SIGLEC10: variants seen among roughly 807,000 people sequenced by gnomAD.
The protein encoded by SIGLEC10 is sialic acid-binding Ig-like lectin 10.
In SIGLEC10, 45 loss-of-function variants were observed where a neutral mutation model predicts 68.3. That is an observed-to-expected ratio of 0.66 (90% CI 0.52 to 0.84). SIGLEC10 has a LOEUF of 0.84. Among genes scored for constraint, SIGLEC10 ranks in the 40% least tolerant of loss-of-function variants. SIGLEC10 has a pLI of 0.00. For missense variants in SIGLEC10, 789 were observed against 883.1 expected (o/e 0.89, Z 1.35); for synonymous variants, 379 against 370.8 (o/e 1.02, Z -0.26).
Position 51,416,319 on chromosome 19 carries a change from T to G in SIGLEC10, c.745A>C (p.Asn249His), listed in dbSNP as rs766511509. The change falls in exon 4 of 11, where the codon AAC becomes CAC. Residue 249 changes from asparagine (N) to histidine (H), a missense_variant. Transcript: ENST00000339313. ...RDLVISISRD[N>H]TPALEPQPQG... ...CGACGGCCCTCAGTACCTGGCGTGT[T>G]GTCACGTGAAATGCTGATAACAAGG... The G allele has an allele frequency of 6.2e-7, 1 of 1,614,054 alleles. No individual in the cohort carries two copies. The highest frequency in any genetic ancestry group is 8.5e-7 in the Non-Finnish European group (1 of 1,179,998).
chr19:51,417,337 C>T lies in SIGLEC10; in HGVS notation c.166G>A (p.Ala56Thr). ...ACTGCTTTGAACCAGTAGCCATAAGCTGGGGTAGACCCTGTCCAGTCCTGT... is the reference window on the plus strand; with the variant it reads ...ACTGCTTTGAACCAGTAGCCATAAGTTGGGGTAGACCCTGTCCAGTCCTGT... ...PRQDWTGSTPAYGYWFKAVTE... is the reference protein window; with the variant it reads ...PRQDWTGSTPTYGYWFKAVTE... Residue 56 changes from alanine to threonine, a missense_variant, in exon 2 of 11, where the codon GCT (alanine) becomes ACT (threonine). Transcript: ENST00000339313. 5.6e-6 allele frequency: 9 copies of T among 1,614,240 alleles called. No individual in the cohort carries two copies. The highest frequency in any genetic ancestry group is 7.6e-6 in the Non-Finnish European group (9 of 1,180,044).
chr19:51,412,144 AAAAAT>A (rs559336620), intron 10 of SIGLEC10, among the ~76,000 whole-genome samples: 108 of 152,126 alleles, frequency 7.1e-4, no homozygotes, highest in Non-Finnish European at 1.4e-3. Flanking sequence ...TCCCATCTCA[AAAAAT>A]AAAATAAAAT....
chr19:51,410,804 A>G lies in SIGLEC10; in HGVS notation c.*295T>C, dbSNP rs1802786975. On this transcript the variant is annotated 3_prime_UTR_variant, in exon 11 of 11. Coordinates refer to ENST00000339313, the MANE Select transcript of SIGLEC10 (RefSeq NM_033130.5). Reference sequence around the variant, plus strand: ...GGTAGGATTACAGGCGCCTGCCACCATGCCCAGCTAATTTTTGTATTTTTA... The same window carrying G: ...GGTAGGATTACAGGCGCCTGCCACCGTGCCCAGCTAATTTTTGTATTTTTA... The G allele has an allele frequency of 3.9e-6, 1 of 255,870 alleles. No individual in the cohort carries two copies. Among genetic ancestry groups the G allele is most frequent in the Non-Finnish European group, 7.6e-6 (1 of 132,162 alleles). 15.8% of individuals were successfully genotyped at this position (255,870 alleles called of 1,614,324 possible).
In SIGLEC10 at chr19:51,416,827, C is replaced by A. The variant is rs201869865; in HGVS notation, c.545G>T (p.Gly182Val). The A allele has an allele frequency of 1.2e-6, 2 of 1,614,188 alleles. No homozygotes were observed. Among genetic ancestry groups the A allele is most frequent in the Non-Finnish European group, 1.7e-6 (2 of 1,180,040 alleles). The change falls in exon 3 of 11, where the codon GGG (glycine) becomes GTG (valine). Residue 182 changes from glycine to valine, a missense_variant. Transcript: ENST00000339313. ...GGTTCCTTGGGAGGAGAGGGCAGCC[C>A]CCGTCCAGGAGAAAGAAGGGGGTGG... ...ECPPPSFSWT[G>V]AALSSQGTKP... is the part of the protein sequence containing the mutation.
chr19:51,411,460 T>G, intron 10 of SIGLEC10, 89 bp from the exon 11 acceptor site: 1 of 1,509,054 alleles, frequency 6.6e-7, no homozygotes, highest in Non-Finnish European at 9.0e-7. Context: ...CAGCACAGAG[T>G]GAAACTAAGT....
intron 10 of SIGLEC10, among the ~76,000 whole-genome samples, chr19:51,412,727 C>T (rs59871471): frequency 2.0e-5 from 3 of 151,708 alleles, no homozygotes; most frequent in African/African-American, 4.8e-5. Context: ...CCACCCACCT[C>T]GGCCTCCCAA....
At chr19:51,416,593 G>C (rs750150502) in intron 3 of SIGLEC10, 73 bp downstream of exon 3, 3 of 1,603,522 alleles carry the variant, frequency 1.9e-6, no homozygotes, top group Non-Finnish European at 2.6e-6. Context: ...GCCGCTCACT[G>C]TCCCACTGGG....
rs545364117 is a variant in SIGLEC10, at chr19:51,412,516, G to C, written c.1822-1145C>G. ...TTTTTTTAGATGAAGTTTCGCTCTT[G>C]TTGCCCAGGCTGGAGTGCAGTGGCA... On this transcript the variant is annotated intron_variant, in intron 10 of 10. Coordinates refer to ENST00000339313, the MANE Select transcript of SIGLEC10 (RefSeq NM_033130.5). Among the ~76,000 whole-genome samples, 7 of 151,338 alleles carry C rather than the reference G, an allele frequency of 4.6e-5. No individual in the cohort carries two copies. The South Asian group carries it at 1.5e-3, about 32-fold the overall frequency.
In SIGLEC10 at chr19:51,414,484, G is replaced by A; in HGVS notation, c.1647C>T (p.Ser549=). ...TGCCGATTCCCAGAAACGCTCCGTT[G>A]GAGAATGCCGTTGAGATGAGTCCCT... is the stretch of plus-strand genomic sequence containing the variant. ...DKKGLISTAF[S]NGAFLGIGIT... The change falls in exon 9 of 11, where the codon TCC becomes TCT. Residue 549 remains serine (S), a synonymous_variant. Coordinates refer to ENST00000339313, the MANE Select transcript of SIGLEC10 (RefSeq NM_033130.5). This position sits in a 1 kb window ranked among gnomAD's most constrained non-coding sequence, Gnocchi z 4.1. 1.2e-6 allele frequency: 2 copies of A among 1,614,032 alleles called. No homozygotes were observed. The highest frequency in any genetic ancestry group is 1.7e-6 in the Non-Finnish European group (2 of 1,179,992).
chr19:51,410,875 C>G lies in SIGLEC10; in HGVS notation c.*224G>C, dbSNP rs1225017581. ...AGTTGGCCAGGCTGGTCTCGAACTC[C>G]CGACCTCAGGCGATCTGCCCACCTC... On this transcript the variant is annotated 3_prime_UTR_variant, in exon 11 of 11. Transcript: ENST00000339313. The G allele has an allele frequency of 3.4e-5, 16 of 470,538 alleles. No individual in the cohort carries two copies. The highest frequency in any genetic ancestry group is 5.2e-5 in the Non-Finnish European group (14 of 269,146). 29.1% of individuals were successfully genotyped at this position (470,538 alleles called of 1,614,324 possible).
rs1988820602 is a variant in SIGLEC10 at position 51,417,549 on chromosome 19, C to T, written c.33G>A (p.Leu11=). Residue 11 remains leucine (L), a synonymous_variant, in exon 1 of 11, where the codon CTG becomes CTA. Coordinates refer to ENST00000339313, the MANE Select transcript of SIGLEC10 (RefSeq NM_033130.5). MLLPLLLSSL[L]GGSQAMDGRF... The stretch of plus-strand genomic sequence containing the variant: ...TCCGGCCCTTGGCCCACTCACCGCC[C>T]AGCAGCGAGGACAGCAGCAGTGGCA... The T allele has an allele frequency of 6.2e-7, 1 of 1,614,260 alleles. No homozygotes were observed. Among genetic ancestry groups the T allele is most frequent in the Non-Finnish European group, 8.5e-7 (1 of 1,180,038 alleles).
chr19:51,414,369 C>A lies in SIGLEC10; in HGVS notation c.1709+53G>T, dbSNP rs1988324971. 6.7e-6 allele frequency: 10 copies of A among 1,491,970 alleles called. No individual in the cohort carries two copies. The East Asian group carries it at 1.1e-4, about 17-fold the overall frequency. The allele number at this position is 1,491,970 out of a possible 1,614,324, so 92.4% of individuals were successfully genotyped here. ...TTCACTCTTTCGGCCTGCAACACCT[C>A]CCCTCTTCCTGGGTCCAGGCCCCAG... On this transcript the variant is annotated intron_variant, in intron 9 of 10. Coordinates refer to ENST00000339313, the MANE Select transcript of SIGLEC10 (RefSeq NM_033130.5). This position sits in a 1 kb window ranked among gnomAD's most constrained non-coding sequence, Gnocchi z 4.1.
Position 51,417,076 on chromosome 19 carries a change from C to G in SIGLEC10, c.421+6G>C, listed in dbSNP as rs1300424206. Reference sequence around the variant, plus strand: ...GAGAGGCAGGGGTTCCCACCCCATTCCATACCTGTTACTTTTAGAAAGAAC... The same window carrying G: ...GAGAGGCAGGGGTTCCCACCCCATTGCATACCTGTTACTTTTAGAAAGAAC... On this transcript the variant is annotated splice_donor_region_variant and intron_variant, in intron 2 of 10. Transcript: ENST00000339313. 6.2e-7 allele frequency: 1 copy of G among 1,613,170 alleles called. No homozygotes were observed. The highest frequency in any genetic ancestry group is 8.5e-7 in the Non-Finnish European group (1 of 1,179,368).
chr19:51,411,785 G>A (rs980345198), intron 10 of SIGLEC10, among the ~76,000 whole-genome samples: 4 of 152,032 alleles, frequency 2.6e-5, no homozygotes, highest in Non-Finnish European at 4.4e-5. Context: ...GGTGGAGGTT[G>A]TAGTGCGCTG....
At position 51,410,985 on chromosome 19, in the gene SIGLEC10, A is replaced by AGAGAGAAAGAGAGAGAGG; in HGVS notation, c.*113_*114insCCTCTCTCTCTTTCTCTC. ...TTAAAAGAGAGAGAAAGAGAGAGAGAGAGAGAAAGAGAGAGAGAGAGGGAG... is the reference window on the plus strand; with the variant it reads ...TTAAAAGAGAGAGAAAGAGAGAGAGAGAGAGAAAGAGAGAGAGGGAGAGAAAGAGAGAGAGAGAGGGAG... On this transcript the variant is annotated 3_prime_UTR_variant, in exon 11 of 11. Transcript: ENST00000339313. The AGAGAGAAAGAGAGAGAGG allele has an allele frequency of 8.2e-7, 1 of 1,220,936 alleles. No individual in the cohort carries two copies. The highest frequency in any genetic ancestry group is 1.1e-6 in the Non-Finnish European group (1 of 874,412). 75.6% of individuals were successfully genotyped at this position (1,220,936 alleles called of 1,614,324 possible).
rs1313877123 is a variant in SIGLEC10, at chr19:51,414,541, C to T, written c.1616-26G>A. The T allele has an allele frequency of 1.2e-6, 2 of 1,606,786 alleles. No homozygotes were observed. Among genetic ancestry groups the T allele is most frequent in the African/African-American group, 2.7e-5 (2 of 74,770 alleles). ...CTGCACACGGAGAGGGCAAGGTGAG[C>T]ATTTCCCATCCACGCAGGGCTCACG... On this transcript the variant is annotated intron_variant, in intron 8 of 10. Transcript: ENST00000339313. The surrounding 1 kb of genome is among the most constrained non-coding windows in gnomAD (Gnocchi z 4.1).
Position 51,417,149 on chromosome 19 carries a change from A to T in SIGLEC10, c.354T>A (p.Phe118Leu). The change falls in exon 2 of 11, where the codon TTT (phenylalanine) becomes TTA (leucine). Residue 118 changes from phenylalanine to leucine, a missense_variant. Coordinates refer to ENST00000339313, the MANE Select transcript of SIGLEC10 (RefSeq NM_033130.5). ...TCACATAGCTTCCTCTCTCCACCCG[A>T]AAGAAGTACTGTGACTCATCCTGCA... ...AQMQDESQYF[F>L]RVERGSYVRY... is the part of the protein sequence containing the mutation. 1 of 1,614,192 alleles carries T rather than the reference A, an allele frequency of 6.2e-7. No homozygotes were observed. Among genetic ancestry groups the T allele is most frequent in the Non-Finnish European group, 8.5e-7 (1 of 1,180,030 alleles).
At chr19:51,416,278 T>G in intron 4 of SIGLEC10, 32 bp downstream of exon 4, 1 of 1,613,466 alleles carries the variant, frequency 6.2e-7, no homozygotes, top group Non-Finnish European at 8.5e-7. Flanking sequence ...TAAAGACAAC[T>G]GGCCCAGCCC....
chr19:51,413,912 GT>G, intron 9 of SIGLEC10, 89 bp from the exon 10 acceptor site: 1 of 925,914 alleles, frequency 1.1e-6, no homozygotes, highest in Non-Finnish European at 1.8e-6. Flanking sequence ...CACTATGACA[GT>G]TACTACTGTT....
Sources: gnomAD v4.1 joint callset for allele counts (sites outside exome capture counted in the v4.1 genomes callset) on GRCh38, gnomAD v4.1.1 for gene constraint, Gnocchi (gnomAD v3.1) non-coding constraint, MANE v1.5 for transcripts, NCBI Gene and HGNC (gene_info 2026-07-23, HGNC 2026-07-21) for gene names.